The following STXBP6 variants were observed in gnomAD, a reference collection of about 807,000 sequenced individuals.
The protein encoded by STXBP6 is syntaxin-binding protein 6.
A neutral mutation model predicts 26.9 loss-of-function variants in STXBP6; 21 were observed. That is an observed-to-expected ratio of 0.78 (90% CI 0.55 to 1.12). STXBP6 has a LOEUF of 1.12. Ranked by LOEUF, STXBP6 falls within the 50% of genes most tolerant of loss-of-function variation. STXBP6 has a pLI of 0.00. For missense variants in STXBP6, 232 were observed against 257.9 expected (o/e 0.90, Z 0.69); for synonymous variants, 97 against 92.6 (o/e 1.05, Z -0.27).
chr14:24,981,050 A>T (rs2074178287), intron 1 of STXBP6, among the ~76,000 whole-genome samples: 1 of 152,180 alleles, frequency 6.6e-6, no homozygotes, highest in Admixed American at 6.5e-5. Context: ...TTCCCCCTGT[A>T]TTTAATGAAT....
intron 4 of STXBP6, among the ~76,000 whole-genome samples, chr14:24,848,605 C>T (rs1470463159): frequency 6.6e-6 from 1 of 152,116 alleles, no homozygotes; most frequent in Non-Finnish European, 1.5e-5. Context: ...CACAAAGCCA[C>T]TCCCAGCTCA....
chr14:25,040,642 CAAAA>C (rs1443974230), intron 1 of STXBP6, among the ~76,000 whole-genome samples: 4 of 151,972 alleles, frequency 2.6e-5, no homozygotes, highest in African/African-American at 9.7e-5. Flanking sequence ...GATAAAGAAA[CAAAA>C]AATAATAGAC....
intron 1 of STXBP6, among the ~76,000 whole-genome samples, chr14:25,021,219 G>A (rs1388657502): frequency 6.6e-6 from 1 of 151,994 alleles, no homozygotes; most frequent in East Asian, 1.9e-4. Context: ...GTTGCATCTT[G>A]TTCTCTCCTT....
At chr14:25,045,398 A>G (rs980781044) in intron 1 of STXBP6, among the ~76,000 whole-genome samples, 1 of 152,034 alleles carries the variant, frequency 6.6e-6, no homozygotes, top group African/African-American at 2.4e-5. Context: ...CACTTTACCC[A>G]ACATATTCTC....
chr14:24,811,222 A>T lies in STXBP6; in HGVS notation c.*1487T>A, dbSNP rs1413005776. On this transcript the variant is annotated 3_prime_UTR_variant, in exon 6 of 6. Coordinates refer to ENST00000323944, the MANE Select transcript of STXBP6 (RefSeq NM_001394410.1). The stretch of plus-strand genomic sequence containing the variant: ...CTTTCTCTCTCCTTGGGAATGCTTT[A>T]TTAGGAGAACTTCAGCTATTTAAAT... The T allele has an allele frequency of 6.6e-6, 1 of 152,216 alleles. No homozygotes were observed. The highest frequency in any genetic ancestry group is 6.5e-5 in the Admixed American group (1 of 15,288). 9.4% of individuals were successfully genotyped at this position (152,216 alleles called of 1,614,324 possible). A position where few individuals can be genotyped will look rare whatever the true frequency, so the allele number is the denominator to read the frequency against.
chr14:24,918,208 C>T (rs2139785603), intron 2 of STXBP6, among the ~76,000 whole-genome samples: 1 of 151,792 alleles, frequency 6.6e-6, no homozygotes. Context: ...ATGTACTGCA[C>T]AGATGTGTGA....
intron 2 of STXBP6, among the ~76,000 whole-genome samples, chr14:24,947,450 A>G (rs898268815): frequency 3.2e-4 from 48 of 152,368 alleles, no homozygotes; most frequent in African/African-American, 1.1e-3. Context: ...GAGGCAGAGC[A>G]TTACACATTC....
chr14:24,856,924 C>T (rs1406415394), intron 3 of STXBP6, 103 bp downstream of exon 3: 4 of 1,357,654 alleles, frequency 2.9e-6, no homozygotes, highest in Non-Finnish European at 3.0e-6. Flanking sequence ...AGAGAAATAG[C>T]CTTCTTAAGA....
At chr14:24,924,679 T>G (rs1049599342) in intron 2 of STXBP6, among the ~76,000 whole-genome samples, 1 of 152,172 alleles carries the variant, frequency 6.6e-6, no homozygotes, top group African/African-American at 2.4e-5. Flanking sequence ...ATGTACCTCC[T>G]GTTACATTCA....
intron 1 of STXBP6, among the ~76,000 whole-genome samples, chr14:24,991,964 C>T (rs999873244): frequency 1.3e-5 from 2 of 152,178 alleles, no homozygotes; most frequent in Non-Finnish European, 2.9e-5. Context: ...CTCCTTCCTG[C>T]TGCTTCTCCC....
intron 2 of STXBP6, among the ~76,000 whole-genome samples, chr14:24,882,545 C>T (rs2070412268): frequency 6.6e-6 from 1 of 151,998 alleles, no homozygotes; most frequent in Non-Finnish European, 1.5e-5. Flanking sequence ...ACAGAGCTGC[C>T]TTACGTGTTT....
intron 1 of STXBP6, among the ~76,000 whole-genome samples, chr14:25,042,069 T>G (rs2075652423): frequency 6.6e-6 from 1 of 152,228 alleles, no homozygotes; most frequent in Non-Finnish European, 1.5e-5. Context: ...GTACGTATTG[T>G]TTCCCAGAAG....
chr14:24,928,269 A>G (rs2072252076), intron 2 of STXBP6, among the ~76,000 whole-genome samples: 1 of 152,134 alleles, frequency 6.6e-6, no homozygotes, highest in South Asian at 2.1e-4. Context: ...CATGGAAAAA[A>G]CTGAAAAGTG....
chr14:24,973,893 A>C (rs755779960), intron 2 of STXBP6, among the ~76,000 whole-genome samples: 1 of 152,218 alleles, frequency 6.6e-6, no homozygotes, highest in Non-Finnish European at 1.5e-5. Context: ...CAATTGAAGG[A>C]AAGTTTTTAA....
chr14:25,033,760 T>C, intron 1 of STXBP6, among the ~76,000 whole-genome samples: 1 of 152,242 alleles, frequency 6.6e-6, no homozygotes, highest in Non-Finnish European at 1.5e-5. Context: ...TCATGTAACA[T>C]TTTATGCAAT....
At chr14:24,992,570 C>A (rs1056236632) in intron 1 of STXBP6, among the ~76,000 whole-genome samples, 3 of 152,118 alleles carry the variant, frequency 2.0e-5, no homozygotes, top group African/African-American at 7.2e-5. Flanking sequence ...TCTGCTGTGA[C>A]AGTGTGAAAG....
chr14:24,815,613 C>G (rs2067950232), intron 5 of STXBP6: 1 of 152,018 alleles, frequency 6.6e-6, no homozygotes, highest in African/African-American at 2.4e-5. Flanking sequence ...CCTTTCTTCC[C>G]CCACACACGT....
chr14:24,954,370 T>C (rs2073270059), intron 2 of STXBP6, among the ~76,000 whole-genome samples: 2 of 152,088 alleles, frequency 1.3e-5, no homozygotes, highest in Non-Finnish European at 2.9e-5. Context: ...ATATTATTAA[T>C]ACTAAGAGGG....
chr14:25,016,923 A>G (rs191286158), intron 1 of STXBP6, among the ~76,000 whole-genome samples: 130 of 152,324 alleles, frequency 8.5e-4, no homozygotes, highest in Non-Finnish European at 1.6e-3. Flanking sequence ...AGAAGTTGGC[A>G]GATAGAGGAA....
Sources: allele counts gnomAD v4.1 joint callset (sites outside exome capture counted in the v4.1 genomes callset), GRCh38; gene constraint gnomAD v4.1.1; transcripts MANE v1.5; gene names NCBI Gene and HGNC (gene_info 2026-07-23, HGNC 2026-07-21).